FBXO36: variants seen among roughly 807,000 people sequenced by gnomAD.
The protein encoded by FBXO36 is F-box only protein 36.
FBXO36 carries 18 observed loss-of-function variants against 17.0 expected under a neutral mutation model. That is an observed-to-expected ratio of 1.06 (90% CI 0.73 to 1.57). FBXO36 has a LOEUF of 1.57. Among genes scored for constraint, FBXO36 ranks in the 40% most tolerant of loss-of-function variants. The probability of loss-of-function intolerance (pLI) is 0.00; values close to 1 mark genes in which losing one functional copy is unlikely to be tolerated. For missense variants in FBXO36, 229 were observed against 221.9 expected (o/e 1.03, Z -0.20); for synonymous variants, 83 against 85.3 (o/e 0.97, Z 0.15).
chr2:229,927,287 A>G (rs1027159388), intron 1 of FBXO36, among the ~76,000 whole-genome samples: 5 of 152,176 alleles, frequency 3.3e-5, no homozygotes, highest in Admixed American at 2.6e-4. Flanking sequence ...AATCTTTTAT[A>G]TGTTGTATTT....
intron 3 of FBXO36, among the ~76,000 whole-genome samples, chr2:230,008,603 C>T (rs774031579): frequency 2.0e-5 from 3 of 151,866 alleles, no homozygotes; most frequent in Non-Finnish European, 4.4e-5. Context: ...AGAATTATTT[C>T]CTTTCCCCCC....
At chr2:229,998,537 G>T (rs1291651493) in intron 3 of FBXO36, among the ~76,000 whole-genome samples, 1 of 151,796 alleles carries the variant, frequency 6.6e-6, no homozygotes, top group Non-Finnish European at 1.5e-5. Flanking sequence ...CAGGAGAATC[G>T]CTTGAACCCG....
chr2:229,997,038 T>C (rs1248875327), intron 3 of FBXO36, 115 bp downstream of exon 3: 1 of 902,194 alleles, frequency 1.1e-6, no homozygotes, highest in East Asian at 2.4e-5. Context: ...CTGTCTTAGG[T>C]GCACAAGCAG....
chr2:229,926,845 G>C (rs1319389563), intron 1 of FBXO36, among the ~76,000 whole-genome samples: 1 of 151,928 alleles, frequency 6.6e-6, no homozygotes, highest in Non-Finnish European at 1.5e-5. Context: ...AGTGTTAGGG[G>C]TGGAAAGGAT....
intron 1 of FBXO36, among the ~76,000 whole-genome samples, chr2:229,935,928 C>T (rs2076961383): frequency 6.6e-6 from 1 of 152,136 alleles, no homozygotes; most frequent in East Asian, 1.9e-4. Flanking sequence ...TGGCTCACCC[C>T]TGTAATCCCA....
chr2:229,955,764 C>T (rs2077084242), intron 1 of FBXO36, among the ~76,000 whole-genome samples: 1 of 152,202 alleles, frequency 6.6e-6, no homozygotes, highest in African/African-American at 2.4e-5. Flanking sequence ...TGTGGATTGG[C>T]ATCATATGGA....
chr2:229,937,500 AAAT>A (rs1252751341), intron 1 of FBXO36, among the ~76,000 whole-genome samples: 14 of 152,140 alleles, frequency 9.2e-5, no homozygotes, highest in East Asian at 3.8e-4. Context: ...CGTTTCAAAA[AAAT>A]AATAATAATT....
At chr2:229,948,577 A>G (rs11683062) in intron 1 of FBXO36, among the ~76,000 whole-genome samples, 40,306 of 151,306 alleles carry the variant, frequency 0.27, 6,046 homozygotes, top group East Asian at 0.39. Flanking sequence ...ACAGTTAGCC[A>G]CATGACTAAA....
intron 1 of FBXO36, among the ~76,000 whole-genome samples, chr2:229,942,442 C>T (rs2077004315): frequency 6.6e-6 from 1 of 152,128 alleles, no homozygotes; most frequent in African/African-American, 2.4e-5. Flanking sequence ...CCTTTGGGTT[C>T]CTCATTCTGG....
Position 229,926,125 on chromosome 2 carries a change from T to TAAA in FBXO36, c.96+3534_96+3536dup, listed in dbSNP as rs34162848. On this transcript the variant is annotated intron_variant, in intron 1 of 3. Transcript: ENST00000283946. ...GGCAACATAGCAAGACCCCTTCTCTTAAAAAAAAAAAAAAAAAAAAGGGGG... is the reference window on the plus strand; with the variant it reads ...GGCAACATAGCAAGACCCCTTCTCTTAAAAAAAAAAAAAAAAAAAAAAAGGGGG... 2.4e-3 allele frequency among the ~76,000 whole-genome samples: 244 copies of TAAA among 103,458 alleles called. 2 individuals are homozygous for TAAA. The highest frequency in any genetic ancestry group is 8.2e-3 in the African/African-American group (230 of 28,062). The allele number at this position is 103,458 out of a possible 152,430, so 67.9% of individuals were successfully genotyped here. A position where few individuals can be genotyped will look rare whatever the true frequency, so the allele number is the denominator to read the frequency against.
At chr2:229,967,813 A>G (rs1308657017) in intron 1 of FBXO36, among the ~76,000 whole-genome samples, 1 of 152,196 alleles carries the variant, frequency 6.6e-6, no homozygotes, top group Non-Finnish European at 1.5e-5. Flanking sequence ...ATTGATGTTC[A>G]TCAGGGATAT....
chr2:229,984,715 C>T, intron 2 of FBXO36, among the ~76,000 whole-genome samples: 1 of 152,054 alleles, frequency 6.6e-6, no homozygotes, highest in East Asian at 1.9e-4. Flanking sequence ...ACTTGTTTTG[C>T]TCTTCATATA....
At chr2:229,940,246 T>G in intron 1 of FBXO36, among the ~76,000 whole-genome samples, 1 of 152,202 alleles carries the variant, frequency 6.6e-6, no homozygotes, top group Admixed American at 6.6e-5. Context: ...TAAATATGAC[T>G]TTTAAACACG....
chr2:230,012,559 GGA>G lies in FBXO36; in HGVS notation c.*1679_*1680del, dbSNP rs2077420858. The G allele has an allele frequency of 6.6e-6, 1 of 151,886 alleles. No individual in the cohort carries two copies. The highest frequency in any genetic ancestry group is 6.6e-5 in the Admixed American group (1 of 15,236). 9.4% of individuals were successfully genotyped at this position (151,886 alleles called of 1,614,324 possible). On this transcript the variant is annotated 3_prime_UTR_variant, in exon 4 of 4. Transcript: ENST00000283946. ...AGACCCAGGCCTCATTCTCCACTTA[GGA>G]GAGTTTGCTAGGGCAGGTACAGGTA... is the stretch of plus-strand genomic sequence containing the variant.
intron 1 of FBXO36, among the ~76,000 whole-genome samples, chr2:229,946,253 G>A (rs746437182): frequency 3.3e-5 from 5 of 152,134 alleles, no homozygotes; most frequent in African/African-American, 1.2e-4. Flanking sequence ...AGCCTCTGCA[G>A]CATAGTTTAT....
chr2:229,944,615 C>T (rs1364993487), intron 1 of FBXO36, among the ~76,000 whole-genome samples: 2 of 125,358 alleles, frequency 1.6e-5, no homozygotes, highest in South Asian at 2.4e-4. Flanking sequence ...TTTTTTGAGA[C>T]GGAGTCACGC....
chr2:229,960,331 G>A (rs1218076391), intron 1 of FBXO36, among the ~76,000 whole-genome samples: 1 of 151,762 alleles, frequency 6.6e-6, no homozygotes, highest in Non-Finnish European at 1.5e-5. Context: ...ACAGGCCCAC[G>A]GCACCACACC....
At chr2:229,993,349 C>T (rs1039001811) in intron 2 of FBXO36, among the ~76,000 whole-genome samples, 2 of 152,230 alleles carry the variant, frequency 1.3e-5, no homozygotes, top group Non-Finnish European at 2.9e-5. Context: ...TTCAAAAGAA[C>T]TTGTCAGGAC....
intron 1 of FBXO36, among the ~76,000 whole-genome samples, chr2:229,953,834 T>C (rs1283587821): frequency 1.3e-5 from 2 of 152,112 alleles, no homozygotes; most frequent in South Asian, 2.1e-4. Context: ...TTGAAAGCCA[T>C]TGATTCATCT....
Sources: allele counts gnomAD v4.1 joint callset (sites outside exome capture counted in the v4.1 genomes callset), GRCh38; gene constraint gnomAD v4.1.1; transcripts MANE v1.5; gene names NCBI Gene and HGNC (gene_info 2026-07-23, HGNC 2026-07-21).